Variants in PRPSAP1 observed in about 807,000 individuals in gnomAD.
PRPSAP1 encodes the protein phosphoribosyl pyrophosphate synthase-associated protein 1.
PRPSAP1 carries 31 observed loss-of-function variants against 39.4 expected under a neutral mutation model. The ratio of observed to expected loss-of-function variants is 0.79; its 90% confidence interval spans 0.59 to 1.06. The LOEUF is 1.06. PRPSAP1 is among the 50% of genes least tolerant of loss of function. The pLI is 0.00. For synonymous variants in PRPSAP1, 212 were observed against 192.6 expected (o/e 1.10, Z -0.83); for missense variants, 430 against 511.6 (o/e 0.84, Z 1.54).
intron 7 of PRPSAP1, among the ~76,000 whole-genome samples, chr17:76,323,863 C>T (rs553991693): frequency 2.6e-5 from 4 of 152,062 alleles, no homozygotes; most frequent in South Asian, 2.1e-4. Flanking sequence ...GTAGTTCTTT[C>T]GGCTGGGCGC....
chr17:76,321,814 T>C (rs2071201513), intron 7 of PRPSAP1, among the ~76,000 whole-genome samples: 2 of 152,134 alleles, frequency 1.3e-5, no homozygotes, highest in African/African-American at 2.4e-5. Flanking sequence ...GAAAAGTTCA[T>C]GAAGGACATT....
Position 76,330,095 on chromosome 17 carries a change from G to C in PRPSAP1, c.583C>G (p.Pro195Ala). The change falls in exon 6 of 10, where the codon CCA (proline) becomes GCA (alanine). Residue 195 changes from proline (P) to alanine (A), a missense_variant. Physicochemically the swap from Pro to Ala is conservative, Grantham distance 27 (BLOSUM62 -1). Transcript: ENST00000446526. ...FLLQYIQEEI[P>A]NYRNAVIVAK... ...ACAATGACTGCATTTCTGTAATTTG[G>C]AATCTAGATTTGAAGGAAAAATAGA... The C allele has an allele frequency of 1.2e-6, 2 of 1,612,428 alleles. No homozygotes were observed. Among genetic ancestry groups the C allele is most frequent in the Non-Finnish European group, 1.7e-6 (2 of 1,178,566 alleles).
chr17:76,326,189 G>T (rs2071254928), intron 7 of PRPSAP1, among the ~76,000 whole-genome samples: 1 of 152,120 alleles, frequency 6.6e-6, no homozygotes, highest in Non-Finnish European at 1.5e-5. Flanking sequence ...ATGAAGAAAT[G>T]AATAGGGAAG....
chr17:76,341,300 T>C (rs1382294318), intron 3 of PRPSAP1, among the ~76,000 whole-genome samples: 2 of 149,230 alleles, frequency 1.3e-5, no homozygotes, highest in African/African-American at 5.0e-5. Flanking sequence ...TAGAGTGGTG[T>C]AATCACAGCT....
rs554178644 is a variant in PRPSAP1 at position 76,328,609 on chromosome 17, AAAAAC to A, written c.781+103_781+107del. On this transcript the variant is annotated intron_variant, in intron 7 of 9. Coordinates refer to ENST00000446526, the MANE Select transcript of PRPSAP1 (RefSeq NM_002766.3). ...GGGTGACAGAGTGAGACTCCATCTC[AAAAAC>A]AAAACAAAACAAAACAAAACAACAA... The A allele has an allele frequency of 1.9e-4, 275 of 1,430,554 alleles. 1 individual carries two copies. Among genetic ancestry groups the A allele is most frequent in the South Asian group, 1.3e-3 (105 of 77,982 alleles). The allele number at this position is 1,430,554 out of a possible 1,614,324, so 88.6% of individuals were successfully genotyped here. A position where few individuals can be genotyped will look rare whatever the true frequency, so the allele number is the denominator to read the frequency against.
At position 76,311,532 on chromosome 17, in the gene PRPSAP1, C is replaced by G. The variant is rs769444294; in HGVS notation, c.*10G>C. ...CCTCAGGAGGTCCAGGGTCGAGACC[C>G]TCGTGAAAGCTAGTCATCCACAGTG... On this transcript the variant is annotated 3_prime_UTR_variant, in exon 10 of 10. Transcript: ENST00000446526. 6.2e-7 allele frequency: 1 copy of G among 1,612,750 alleles called. No homozygotes were observed. Among genetic ancestry groups the G allele is most frequent in the African/African-American group, 1.3e-5 (1 of 74,990 alleles).
intron 3 of PRPSAP1, among the ~76,000 whole-genome samples, 173 bp downstream of exon 3, chr17:76,344,498 C>A (rs1369841419): frequency 1.3e-5 from 2 of 152,254 alleles, no homozygotes; most frequent in African/African-American, 4.8e-5. Context: ...AACTCCTGAC[C>A]TCGTGATCCG....
chr17:76,342,278 G>C (rs1047129495), intron 3 of PRPSAP1, among the ~76,000 whole-genome samples: 2 of 152,112 alleles, frequency 1.3e-5, no homozygotes, highest in Non-Finnish European at 2.9e-5. Context: ...TGAAGCAGCA[G>C]GAAGACAAGA....
At chr17:76,348,650 C>T (rs1337182884) in intron 1 of PRPSAP1, 69 bp from the exon 2 acceptor site, 3 of 1,152,354 alleles carry the variant, frequency 2.6e-6, no homozygotes, top group Non-Finnish European at 3.6e-6. Context: ...AGTTCATATG[C>T]ATATGTCTAA....
In PRPSAP1 at chr17:76,320,423, C is replaced by CTTTTT. The variant is rs71161282; in HGVS notation, c.782-6537_782-6533dup. ...GCTTTATGTTGCTTTGCAGATAATG[C>CTTTTT]TTTTTTTTTTTTTTTTTTTGAGATG... On this transcript the variant is annotated intron_variant, in intron 7 of 9. Coordinates refer to ENST00000446526, the MANE Select transcript of PRPSAP1 (RefSeq NM_002766.3). Among the ~76,000 whole-genome samples, 125 of 73,420 alleles carry CTTTTT rather than the reference C, an allele frequency of 1.7e-3. 25 individuals are homozygous for CTTTTT. Among genetic ancestry groups the CTTTTT allele is most frequent in the South Asian group, 3.2e-3 (5 of 1,554 alleles). The allele number at this position is 73,420 out of a possible 152,430, so 48.2% of individuals were successfully genotyped here. A position where few individuals can be genotyped will look rare whatever the true frequency, so the allele number is the denominator to read the frequency against.
At chr17:76,329,230 C>T (rs180907120) in intron 6 of PRPSAP1, among the ~76,000 whole-genome samples, 2 of 152,072 alleles carry the variant, frequency 1.3e-5, no homozygotes, top group Admixed American at 6.6e-5. Context: ...GTTGCCACAA[C>T]TGGCTATTTT....
intron 3 of PRPSAP1, among the ~76,000 whole-genome samples, chr17:76,335,817 T>G (rs2071372417): frequency 6.6e-6 from 1 of 151,900 alleles, no homozygotes. Flanking sequence ...CAAGACCTGG[T>G]CTCTAAAAAT....
At chr17:76,318,110 T>C (rs562582664) in intron 7 of PRPSAP1, among the ~76,000 whole-genome samples, 3 of 152,192 alleles carry the variant, frequency 2.0e-5, no homozygotes, top group African/African-American at 4.8e-5. Context: ...TTGCCAAATA[T>C]TCACTGTGAG....
intron 2 of PRPSAP1, among the ~76,000 whole-genome samples, chr17:76,347,779 A>G (rs916486222): frequency 6.6e-6 from 1 of 152,102 alleles, no homozygotes; most frequent in South Asian, 2.1e-4. Context: ...GAAGGTGTCT[A>G]GCAAGCAGCA....
chr17:76,346,871 G>A (rs60422173), intron 2 of PRPSAP1, among the ~76,000 whole-genome samples: 1,989 of 152,048 alleles, frequency 0.013, 53 homozygotes, highest in African/African-American at 0.046. Flanking sequence ...ACTCCAGCCC[G>A]GGCGACATCC....
At chr17:76,352,067 A>G (rs1384824305) in intron 1 of PRPSAP1, among the ~76,000 whole-genome samples, 6 of 145,772 alleles carry the variant, frequency 4.1e-5, no homozygotes, top group Non-Finnish European at 9.1e-5. Context: ...TCCAACTATT[A>G]AAAAAAAAAA....
At chr17:76,335,972 A>AC (rs764665685) in intron 3 of PRPSAP1, among the ~76,000 whole-genome samples, 55 of 152,214 alleles carry the variant, frequency 3.6e-4, no homozygotes, top group Non-Finnish European at 5.7e-4. Flanking sequence ...ACAGAGTGAG[A>AC]CCCCATCTCT....
In PRPSAP1 at chr17:76,312,939, A is replaced by G. The variant is rs527756377; in HGVS notation, c.930T>C (p.Tyr310=). The change falls in exon 9 of 10, where the codon TAT becomes TAC. Residue 310 remains tyrosine, a synonymous_variant. Coordinates refer to ENST00000446526, the MANE Select transcript of PRPSAP1 (RefSeq NM_002766.3). ...ACAGGATGCCGTGGGTGGCCATAAC[A>G]TAGATCTTATAGGCGCCTCTCTCTT... ...ILKERGAYKI[Y]VMATHGILSA... is the part of the protein sequence containing the mutation. 2.3e-4 allele frequency: 378 copies of G among 1,614,136 alleles called. 3 individuals are homozygous for G. Among genetic ancestry groups the G allele is most frequent in the South Asian group, 1.1e-3 (98 of 91,080 alleles).
intron 7 of PRPSAP1, among the ~76,000 whole-genome samples, chr17:76,317,176 C>A (rs2071133245): frequency 6.6e-6 from 1 of 152,252 alleles, no homozygotes; most frequent in South Asian, 2.1e-4. Flanking sequence ...ATGGCAAAAC[C>A]CCTTCTCTAC....
Sources: allele counts gnomAD v4.1 joint callset (sites outside exome capture counted in the v4.1 genomes callset), GRCh38; gene constraint gnomAD v4.1.1; transcripts MANE v1.5; gene names NCBI Gene and HGNC (gene_info 2026-07-23, HGNC 2026-07-21).